The following TRDMT1 variants were observed in gnomAD, a reference collection of about 807,000 sequenced individuals.
TRDMT1 encodes the protein tRNA (cytosine(38)-C(5))-methyltransferase.
TRDMT1 carries 49 observed loss-of-function variants against 51.2 expected under a neutral mutation model. The observed-to-expected ratio is 0.96, with a 90% CI of 0.76 to 1.21. The LOEUF is 1.21. Among genes scored for constraint, TRDMT1 ranks in the 50% most tolerant of loss-of-function variants. The probability of loss-of-function intolerance (pLI) is 0.00; values close to 1 mark genes in which losing one functional copy is unlikely to be tolerated. For missense variants in TRDMT1, 534 were observed against 462.3 expected, an observed-to-expected ratio of 1.16 and a Z score of -1.42; for synonymous variants, 187 against 164.6, an observed-to-expected ratio of 1.14 and a Z score of -1.04.
chr10:17,154,232 T>C (rs1839189675), intron 9 of TRDMT1, among the ~76,000 whole-genome samples: 1 of 152,196 alleles, frequency 6.6e-6, no homozygotes, highest in Non-Finnish European at 1.5e-5. Context: ...ATTAGACTTG[T>C]ATTCAACCAT....
At position 17,164,393 on chromosome 10, in the gene TRDMT1, C is replaced by CA. The variant is rs1401552886; in HGVS notation, c.252-2157dup. 2.0e-5 allele frequency among the ~76,000 whole-genome samples: 3 copies of CA among 152,162 alleles called. No individual in the cohort carries two copies. The South Asian group carries it at 6.2e-4, about 31-fold the overall frequency. ...TCAAAATAATAAGAGCTATCTATGA[C>CA]AAACCCACAGCCAATATCATACCGA... On this transcript the variant is annotated intron_variant, in intron 3 of 10. Coordinates refer to ENST00000377799, the MANE Select transcript of TRDMT1 (RefSeq NM_004412.7).
In TRDMT1 at chr10:17,150,570, G is replaced by A. The variant is rs920849549; in HGVS notation, c.1076-1430C>T. 14 of 985,168 alleles carry A rather than the reference G, an allele frequency of 1.4e-5. No homozygotes were observed. The African/African-American group carries it at 2.3e-4, about 16-fold the overall frequency. The allele number at this position is 985,168 out of a possible 1,614,324, so 61.0% of individuals were successfully genotyped here. ...CACTATAATGTTAGTTATAATGGCA[G>A]GATTCCACATTCAGCATACTCTAGC... is the stretch of plus-strand genomic sequence containing the variant. On this transcript the variant is annotated intron_variant, in intron 10 of 10. Transcript: ENST00000377799.
At chr10:17,151,060 G>C (rs1036866558) in intron 10 of TRDMT1, 2 of 935,730 alleles carry the variant, frequency 2.1e-6, no homozygotes, top group African/African-American at 1.8e-5. Flanking sequence ...TAAATTATTA[G>C]GTTGGTGCAA....
rs34140507 is a variant in TRDMT1, at chr10:17,173,772, C to CT, written c.174+778dup. ...TAAATTAGGAGAAACAACACAATTTCTTTTTTTTTTTTTTTTTTTTGAGAC... is the reference window on the plus strand; with the variant it reads ...TAAATTAGGAGAAACAACACAATTTCTTTTTTTTTTTTTTTTTTTTTGAGAC... On this transcript the variant is annotated intron_variant, in intron 2 of 10. Transcript: ENST00000377799. Among the ~76,000 whole-genome samples the CT allele has an allele frequency of 1.3e-4, 16 of 121,004 alleles. No homozygotes were observed. In the East Asian group the frequency reaches 1.9e-3, roughly 14 times the overall value. 79.4% of individuals were successfully genotyped at this position (121,004 alleles called of 152,430 possible).
intron 1 of TRDMT1, among the ~76,000 whole-genome samples, chr10:17,184,256 T>C (rs925179322): frequency 2.6e-5 from 4 of 152,138 alleles, no homozygotes; most frequent in African/African-American, 9.6e-5. Context: ...TTCCTTACTA[T>C]AAAATGTTTA....
In TRDMT1 at chr10:17,148,111, C is replaced by T. The variant is rs1838278837; in HGVS notation, c.*929G>A. The T allele has an allele frequency of 4.1e-6, 4 of 985,198 alleles. No individual in the cohort carries two copies. The Admixed American group carries it at 1.8e-4, about 45-fold the overall frequency. 61.0% of individuals were successfully genotyped at this position (985,198 alleles called of 1,614,324 possible). A position where few individuals can be genotyped will look rare whatever the true frequency, so the allele number is the denominator to read the frequency against. On this transcript the variant is annotated 3_prime_UTR_variant, in exon 11 of 11. Transcript: ENST00000377799. ...ATGCAAGACTTAGTTTGATTAGAAA[C>T]CCTAATTCCAAGAGGTCTGCTGAGG...
At chr10:17,184,379 T>C (rs1452859562) in intron 1 of TRDMT1, among the ~76,000 whole-genome samples, 3 of 151,886 alleles carry the variant, frequency 2.0e-5, no homozygotes, top group Non-Finnish European at 4.4e-5. Context: ...ACTCTATATC[T>C]AGTTAACTGA....
At chr10:17,178,909 A>C (rs1842942079) in intron 1 of TRDMT1, among the ~76,000 whole-genome samples, 1 of 152,204 alleles carries the variant, frequency 6.6e-6, no homozygotes, top group African/African-American at 2.4e-5. Context: ...AAATACGGAT[A>C]GGAACTGCTG....
rs2131364064 is a variant in TRDMT1 at position 17,148,050 on chromosome 10, TG to T, written c.*989del. The T allele has an allele frequency of 1.0e-6, 1 of 985,352 alleles. No homozygotes were observed. The highest frequency in any genetic ancestry group is 6.1e-5 in the Admixed American group (1 of 16,290). The allele number at this position is 985,352 out of a possible 1,614,324, so 61.0% of individuals were successfully genotyped here. On this transcript the variant is annotated 3_prime_UTR_variant, in exon 11 of 11. Transcript: ENST00000377799. ...TGTTTCTTTTCATCTCTCTTCTCTTTGTCACTTGCTTTTATCACAAACCATA... is the reference window on the plus strand; with the variant it reads ...TGTTTCTTTTCATCTCTCTTCTCTTTTCACTTGCTTTTATCACAAACCATA...
At chr10:17,169,231 A>T in intron 2 of TRDMT1, 1 of 787,906 alleles carries the variant, frequency 1.3e-6, no homozygotes, top group Non-Finnish European at 1.7e-6. Flanking sequence ...GCTGTTTTCT[A>T]GAGTAAAACG....
Position 17,155,951 on chromosome 10 carries a change from G to C in TRDMT1, c.888-1217C>G, listed in dbSNP as rs140605509. Among the ~76,000 whole-genome samples the C allele has an allele frequency of 7.4e-3, 1,130 of 152,172 alleles. 18 individuals carry two copies. The highest frequency in any genetic ancestry group is 0.025 in the African/African-American group (1,046 of 41,502). On this transcript the variant is annotated intron_variant, in intron 8 of 10. Coordinates refer to ENST00000377799, the MANE Select transcript of TRDMT1 (RefSeq NM_004412.7). The stretch of plus-strand genomic sequence containing the variant: ...AAAATTGCTAAGTCTTATTTTATGA[G>C]AGTCCTAAACAGAACCTATTGAACT...
At position 17,148,870 on chromosome 10, in the gene TRDMT1, T is replaced by C; in HGVS notation, c.*170A>G. On this transcript the variant is annotated 3_prime_UTR_variant, in exon 11 of 11. Transcript: ENST00000377799. ...TCGTATTTTATAAAATACAGTAATA[T>C]AAATTTGATGAAACACATGGATTTT... The C allele has an allele frequency of 8.1e-7, 1 of 1,239,158 alleles. No homozygotes were observed. Among genetic ancestry groups the C allele is most frequent in the Non-Finnish European group, 1.0e-6 (1 of 962,304 alleles). 76.8% of individuals were successfully genotyped at this position (1,239,158 alleles called of 1,614,324 possible). A position where few individuals can be genotyped will look rare whatever the true frequency, so the allele number is the denominator to read the frequency against.
At chr10:17,194,560 C>T (rs984715068) in intron 1 of TRDMT1, among the ~76,000 whole-genome samples, 1 of 152,096 alleles carries the variant, frequency 6.6e-6, no homozygotes, top group African/African-American at 2.4e-5. Context: ...AAATAGTCAT[C>T]ATCACTAATC....
chr10:17,193,479 T>C (rs951734306), intron 1 of TRDMT1, among the ~76,000 whole-genome samples: 23 of 152,334 alleles, frequency 1.5e-4, no homozygotes, highest in Middle Eastern at 3.4e-3. Context: ...TAAATTAATG[T>C]GCAAAAATTA....
At chr10:17,151,064 G>A in intron 10 of TRDMT1, 1 of 927,228 alleles carries the variant, frequency 1.1e-6, no homozygotes, top group Non-Finnish European at 1.3e-6. Flanking sequence ...TTATTAGGTT[G>A]GTGCAAAAGC....
chr10:17,148,891 AT>A lies in TRDMT1; in HGVS notation c.*148del, dbSNP rs1838343520. On this transcript the variant is annotated 3_prime_UTR_variant, in exon 11 of 11. Transcript: ENST00000377799. ...AATATAAATTTGATGAAACACATGG[AT>A]TTTTTTAATAAAATCCAAATTTCTT... 5 of 1,274,396 alleles carry A rather than the reference AT, an allele frequency of 3.9e-6. No homozygotes were observed. The South Asian group carries it at 8.8e-5, about 22-fold the overall frequency. 78.9% of individuals were successfully genotyped at this position (1,274,396 alleles called of 1,614,324 possible). A position where few individuals can be genotyped will look rare whatever the true frequency, so the allele number is the denominator to read the frequency against.
At position 17,144,135 on chromosome 10, in the gene TRDMT1, G is replaced by T; in HGVS notation, c.*4905C>A. ...ACCTGAGGACGGAACCTTCAGATAAGTCAGCTCCAAGCCTCTGCTCTTCTT... is the reference window on the plus strand; with the variant it reads ...ACCTGAGGACGGAACCTTCAGATAATTCAGCTCCAAGCCTCTGCTCTTCTT... On this transcript the variant is annotated 3_prime_UTR_variant, in exon 11 of 11. Transcript: ENST00000377799. The T allele has an allele frequency of 3.0e-6, 3 of 985,456 alleles. No homozygotes were observed. The highest frequency in any genetic ancestry group is 3.6e-6 in the Non-Finnish European group (3 of 829,934). The allele number at this position is 985,456 out of a possible 1,614,324, so 61.0% of individuals were successfully genotyped here.
Position 17,140,572 on chromosome 10 carries a change from G to A in TRDMT1, c.*8468C>T, listed in dbSNP as rs1296648096. ...CTCTGGAGGAAAAAAGTCAGCAGGG[G>A]AGGGGATTATATTACATAGCATCAA... On this transcript the variant is annotated 3_prime_UTR_variant, in exon 11 of 11. Coordinates refer to ENST00000377799, the MANE Select transcript of TRDMT1 (RefSeq NM_004412.7). Among the ~76,000 whole-genome samples, 1 of 152,168 alleles carries A rather than the reference G, an allele frequency of 6.6e-6. No individual in the cohort carries two copies. Among genetic ancestry groups the A allele is most frequent in the Non-Finnish European group, 1.5e-5 (1 of 68,028 alleles).
intron 2 of TRDMT1, among the ~76,000 whole-genome samples, chr10:17,173,618 A>G (rs1842299291): frequency 6.6e-6 from 1 of 152,182 alleles, no homozygotes. Flanking sequence ...TGGTGGTAGT[A>G]GTTACACAGT....
Sources: allele counts gnomAD v4.1 joint callset (sites outside exome capture counted in the v4.1 genomes callset), GRCh38; gene constraint gnomAD v4.1.1; transcripts MANE v1.5; gene names NCBI Gene and HGNC (gene_info 2026-07-23, HGNC 2026-07-21).